The following PAM variants were observed in gnomAD, a reference collection of about 807,000 sequenced individuals.
PAM encodes peptidylglycine alpha-amidating monooxygenase, also known as peptidyl-glycine alpha-amidating monooxygenase.
PAM carries 72 observed loss-of-function variants against 122.1 expected under a neutral mutation model. That is an observed-to-expected ratio of 0.59 (90% confidence interval 0.49 to 0.72). PAM has a LOEUF of 0.72. Ranked by LOEUF, PAM falls within the 30% of genes least tolerant of loss-of-function variation. PAM has a pLI of 0.00. For missense variants in PAM, 1,106 were observed against 1,183.7 expected (o/e 0.93, Z 0.96); for synonymous variants, 389 against 404.4 (o/e 0.96, Z 0.46).
In PAM at chr5:102,970,391, T is replaced by G. The variant is rs562794789; in HGVS notation, c.1163-3725T>G. Reference sequence around the variant, plus strand: ...GTGCAGACATAGATTACATCCATTATTACAGAAAATTCTTTTGGACAGTGT... The same window carrying G: ...GTGCAGACATAGATTACATCCATTAGTACAGAAAATTCTTTTGGACAGTGT... On this transcript the variant is annotated intron_variant, in intron 14 of 25. Transcript: ENST00000438793. Among the ~76,000 whole-genome samples, 4 of 152,290 alleles carry G rather than the reference T, an allele frequency of 2.6e-5. No individual in the cohort carries two copies. In the South Asian group the frequency reaches 8.3e-4, roughly 32 times the overall value.
At chr5:102,946,560 A>G (rs114016092) in intron 7 of PAM, among the ~76,000 whole-genome samples, 139 of 148,112 alleles carry the variant, frequency 9.4e-4, no homozygotes, top group African/African-American at 3.3e-3. Context: ...TCTAGTATCT[A>G]GTATGTCTGC....
chr5:102,984,213 CA>C (rs1770954904), intron 15 of PAM, among the ~76,000 whole-genome samples: 1 of 152,022 alleles, frequency 6.6e-6, no homozygotes, highest in Non-Finnish European at 1.5e-5. Context: ...AAACAATTAA[CA>C]AAATGACAAA....
chr5:103,007,380 AT>A, intron 19 of PAM, 76 bp from the exon 20 acceptor site: 1 of 1,202,576 alleles, frequency 8.3e-7, no homozygotes, highest in Non-Finnish European at 1.2e-6. Context: ...ACTATCATGA[AT>A]TTAGAAACAT....
chr5:103,007,984 G>A (rs1779541114), intron 20 of PAM, among the ~76,000 whole-genome samples: 1 of 151,784 alleles, frequency 6.6e-6, no homozygotes. Flanking sequence ...ATCGACAAAT[G>A]GTATATGTCT....
At chr5:102,871,708 T>A (rs1383867464) in intron 3 of PAM, among the ~76,000 whole-genome samples, 2 of 147,014 alleles carry the variant, frequency 1.4e-5, no homozygotes, top group Non-Finnish European at 3.0e-5. Context: ...ATAAAATATA[T>A]ATATTATATA....
At chr5:103,017,538 G>A (rs1782378195) in intron 22 of PAM, 105 bp downstream of exon 22, 1 of 749,428 alleles carries the variant, frequency 1.3e-6, no homozygotes, top group Non-Finnish European at 2.3e-6. Context: ...ACTGATGAGA[G>A]TAGGAATCAA....
chr5:102,762,910 T>C (rs1752793749), intron 1 of PAM, among the ~76,000 whole-genome samples: 1 of 152,238 alleles, frequency 6.6e-6, no homozygotes, highest in African/African-American at 2.4e-5. Flanking sequence ...TAAGGACTTT[T>C]TGCAGAATTT....
chr5:102,843,894 A>G (rs1779302922), intron 1 of PAM, among the ~76,000 whole-genome samples: 1 of 152,228 alleles, frequency 6.6e-6, no homozygotes, highest in South Asian at 2.1e-4. Flanking sequence ...GTTCACTCAT[A>G]CATTGCTAGT....
chr5:102,928,975 C>A (rs1750532843), intron 7 of PAM, among the ~76,000 whole-genome samples: 1 of 151,818 alleles, frequency 6.6e-6, no homozygotes, highest in Admixed American at 6.6e-5. Context: ...ACAAAAATAG[C>A]CAACAATAAG....
Position 102,771,925 on chromosome 5 carries a change from C to T in PAM, c.-374+16577C>T, listed in dbSNP as rs561921420. 8.0e-4 allele frequency among the ~76,000 whole-genome samples: 122 copies of T among 152,198 alleles called. 1 individual carries two copies. Among genetic ancestry groups the T allele is most frequent in the Admixed American group, 3.2e-3 (49 of 15,282 alleles). Reference sequence around the variant, plus strand: ...TTTTCTTGTCCTAGTAAACTATAGACATCAGAATCATAATAATTGTTCCCA... The same window carrying T: ...TTTTCTTGTCCTAGTAAACTATAGATATCAGAATCATAATAATTGTTCCCA... On this transcript the variant is annotated intron_variant, in intron 1 of 25. Coordinates refer to ENST00000438793, the MANE Select transcript of PAM (RefSeq NM_001177306.2).
In PAM at chr5:103,017,430, G is replaced by C; in HGVS notation, c.2428G>C (p.Glu810Gln). 6.4e-7 allele frequency: 1 copy of C among 1,568,930 alleles called. No individual in the cohort carries two copies. The highest frequency in any genetic ancestry group is 8.8e-7 in the Non-Finnish European group (1 of 1,138,972). The change falls in exon 22 of 26, where the codon GAG becomes CAG. Residue 810 changes from glutamate to glutamine, a missense_variant. Physicochemically the swap from Glu to Gln is conservative, Grantham distance 29. Around this residue, in one of 3 missense-constraint regions of PAM, gnomAD observed 333 missense variants for 335.6 expected, o/e 0.99. Transcript: ENST00000438793. The stretch of plus-strand genomic sequence containing the variant: ...CACCGTGTGGAAGTTCACCTTGACT[G>C]AGAGTATGGTTTTCACAGTATTATT... Reference protein sequence around the residue: ...TNTVWKFTLTEKLEHRSVKKA... With the variant: ...TNTVWKFTLTQKLEHRSVKKA...
intron 14 of PAM, among the ~76,000 whole-genome samples, chr5:102,964,738 C>A (rs981675485): frequency 1.4e-4 from 20 of 138,092 alleles, no homozygotes; most frequent in Non-Finnish European, 2.8e-4. Flanking sequence ...TCAATATATG[C>A]ATATGTAAAG....
chr5:102,951,970 A>T (rs2150099653), intron 12 of PAM, among the ~76,000 whole-genome samples: 1 of 152,194 alleles, frequency 6.6e-6, no homozygotes, highest in South Asian at 2.1e-4. Context: ...GAGCATAACG[A>T]GTCCCTTCTT....
chr5:103,018,606 C>T (rs1416035997), intron 22 of PAM, among the ~76,000 whole-genome samples: 1 of 152,036 alleles, frequency 6.6e-6, no homozygotes, highest in Non-Finnish European at 1.5e-5. Context: ...CAGGGTCAGA[C>T]AATAAGGCAA....
At chr5:103,005,298 A>G (rs1280263140) in intron 18 of PAM, 72 bp downstream of exon 18, 1 of 864,530 alleles carries the variant, frequency 1.2e-6, no homozygotes, top group Non-Finnish European at 2.0e-6. Flanking sequence ...CTGGAGTTGT[A>G]TGGGTTTTTT....
intron 7 of PAM, among the ~76,000 whole-genome samples, chr5:102,935,857 G>A (rs73175472): frequency 0.043 from 6,601 of 152,102 alleles, 316 homozygotes; most frequent in East Asian, 0.18. Context: ...ACTGTCCTTG[G>A]GGTACTTTTT....
intron 15 of PAM, among the ~76,000 whole-genome samples, chr5:102,983,822 T>C (rs1770785004): frequency 6.6e-6 from 1 of 152,140 alleles, no homozygotes; most frequent in South Asian, 2.1e-4. Flanking sequence ...GAAACCCCCT[T>C]CGGACTAACA....
intron 4 of PAM, among the ~76,000 whole-genome samples, chr5:102,913,667 C>T (rs1802182700): frequency 6.6e-6 from 1 of 151,896 alleles, no homozygotes; most frequent in Admixed American, 6.6e-5. Flanking sequence ...GCCCTCACCA[C>T]TTTAAAAGAG....
intron 1 of PAM, among the ~76,000 whole-genome samples, chr5:102,801,497 A>G (rs893605583): frequency 3.3e-5 from 5 of 152,190 alleles, no homozygotes; most frequent in Non-Finnish European, 5.9e-5. Context: ...GCACTGTGGA[A>G]CTGACTGGCT....
Sources: allele counts gnomAD v4.1 joint callset (sites outside exome capture counted in the v4.1 genomes callset), GRCh38; gene constraint gnomAD v4.1.1; regional missense constraint gnomAD v4.1.1; transcripts MANE v1.5; gene names NCBI Gene and HGNC (gene_info 2026-07-23, HGNC 2026-07-21).